Variants in DMD observed in about 807,000 individuals in gnomAD.
The protein encoded by DMD is mutant dystrophin.
Under a neutral mutation model 330.1 loss-of-function variants are expected in DMD, and 63 were observed. The ratio of observed to expected loss-of-function variants is 0.19; its 90% confidence interval spans 0.16 to 0.24. DMD has a LOEUF of 0.24. Among genes scored for constraint, DMD ranks in the 10% least tolerant of loss-of-function variants. DMD has a pLI of 1.00. For synonymous variants in DMD, 1,223 were observed against 959.8 expected, an observed-to-expected ratio of 1.27 and a Z score of -5.07; for missense variants, 3,344 against 2,684.1, an observed-to-expected ratio of 1.25 and a Z score of -5.43.
rs368164231 is a variant in DMD, at chrX:31,679,525, C to G, written c.7722G>C (p.Gln2574His). Reference protein sequence around the residue: ...VQEHLQNRRQQLNEMLKDSTQ... With the variant: ...VQEHLQNRRQHLNEMLKDSTQ... Reference sequence around the variant, plus strand: ...TTGAATCCTTTAACATTTCATTCAACTGTTGCCTCCGGTTCTGAAGGTGTT... The same window carrying G: ...TTGAATCCTTTAACATTTCATTCAAGTGTTGCCTCCGGTTCTGAAGGTGTT... The change falls in exon 53 of 79, where the codon CAG (glutamine) becomes CAC (histidine). Residue 2574 changes from glutamine to histidine, a missense_variant. Physicochemically the swap from Gln to His is conservative, Grantham distance 24 (BLOSUM62 0). Transcript: ENST00000357033. 178 of 1,210,198 alleles carry G rather than the reference C, an allele frequency of 1.5e-4. No homozygotes were observed. The highest frequency in any genetic ancestry group is 1.9e-4 in the Non-Finnish European group (174 of 895,208).
At chrX:32,716,682 A>G (rs1428394504) in intron 7 of DMD, among the ~76,000 whole-genome samples, 1 of 111,096 alleles carries the variant, frequency 9.0e-6, no homozygotes, top group Non-Finnish European at 1.9e-5. Context: ...AAGATGAGGG[A>G]AAGTTTGTAA....
At position 32,631,540 on chromosome X, in the gene DMD, A is replaced by C. The variant is rs1052569789; in HGVS notation, c.1331+12592T>G. ...CTGATACTGGGTAATTTATGAAGAAAAGAGGCTTAAATGGCTCATGGTTCT... is the reference window on the plus strand; with the variant it reads ...CTGATACTGGGTAATTTATGAAGAACAGAGGCTTAAATGGCTCATGGTTCT... On this transcript the variant is annotated intron_variant, in intron 11 of 78. Coordinates refer to ENST00000357033, the MANE Select transcript of DMD (RefSeq NM_004006.3). Among the ~76,000 whole-genome samples the C allele has an allele frequency of 1.8e-5, 2 of 111,921 alleles. 1 individual carries two copies. The highest frequency in any genetic ancestry group is 3.8e-5 in the Non-Finnish European group (2 of 53,200).
At chrX:32,201,734 C>T (rs5972505) in intron 44 of DMD, among the ~76,000 whole-genome samples, 5,606 of 110,731 alleles carry the variant, frequency 0.051, 350 homozygotes, top group African/African-American at 0.17. Context: ...TGTCCACTTA[C>T]TCCCTGGCAT....
Position 31,773,995 on chromosome X carries a change from G to A in DMD, c.7507C>T (p.Leu2503Phe), listed in dbSNP as rs1156593224. ...IKSQRVMVGD[L>F]EDINEMIIKQ... ...ATGATCATCTCGTTGATATCCTCAA[G>A]GTCACCCACCATCACCCTCTGTGAT... Residue 2503 changes from leucine to phenylalanine, a missense_variant, in exon 51 of 79, where the codon CTT (leucine) becomes TTT (phenylalanine). Leu to Phe is a conservative substitution (Grantham distance 22, BLOSUM62 0). Transcript: ENST00000357033. The A allele has an allele frequency of 5.8e-6, 7 of 1,209,524 alleles. No homozygotes were observed. Among genetic ancestry groups the A allele is most frequent in the Non-Finnish European group, 7.8e-6 (7 of 894,755 alleles).
rs763420150 is a variant in DMD, at chrX:33,009,029, CAT to C, written c.93+11108_93+11109del. Among the ~76,000 whole-genome samples, 468 of 94,809 alleles carry C rather than the reference CAT, an allele frequency of 4.9e-3. 6 individuals carry two copies. Among genetic ancestry groups the C allele is most frequent in the African/African-American group, 0.017 (433 of 25,950 alleles). 82.3% of individuals were successfully genotyped at this position (94,809 alleles called of 115,157 possible). On this transcript the variant is annotated intron_variant, in intron 2 of 78. Transcript: ENST00000357033. ...ACACACATACACACGTATATATACA[CAT>C]GTGTGTATATATGTATATGTGTCTA...
At chrX:32,206,416 C>T (rs1603628283) in intron 44 of DMD, 8 of 509,039 alleles carry the variant, frequency 1.6e-5, no homozygotes, top group Middle Eastern at 5.6e-4. Context: ...GATGAGGAAA[C>T]TGAAGAAAAA....
chrX:32,459,875 C>G (rs2098377037), intron 25 of DMD, among the ~76,000 whole-genome samples: 1 of 111,197 alleles, frequency 9.0e-6, no homozygotes, highest in Non-Finnish European at 1.9e-5. Context: ...AATGAGGATA[C>G]TAATCCTCTG....
intron 50 of DMD, among the ~76,000 whole-genome samples, chrX:31,778,695 T>C (rs1179119997): frequency 1.9e-5 from 2 of 106,426 alleles, no homozygotes; most frequent in East Asian, 6.1e-4. Flanking sequence ...CTCAGCCTCC[T>C]GAGTATCTGG....
At chrX:32,219,870 A>T (rs1231734022) in intron 43 of DMD, among the ~76,000 whole-genome samples, 1 of 111,996 alleles carries the variant, frequency 8.9e-6, no homozygotes, top group Non-Finnish European at 1.9e-5. Flanking sequence ...TCAATCACTC[A>T]TCATATTGGT....
At chrX:32,851,857 G>A (rs2081165870) in intron 2 of DMD, among the ~76,000 whole-genome samples, 1 of 112,066 alleles carries the variant, frequency 8.9e-6, no homozygotes, top group Non-Finnish European at 1.9e-5. Flanking sequence ...GGCACATTTA[G>A]ACCAGCCCTA....
chrX:32,395,438 G>GA lies in DMD; in HGVS notation c.4234-5258_4234-5257insT, dbSNP rs112815721. Reference sequence around the variant, plus strand: ...GGCCTGTCGTGGGGTGGGGGGAGGGGGGAGGGATAGCATTAGGAGATATAC... The same window carrying GA: ...GGCCTGTCGTGGGGTGGGGGGAGGGGAGGAGGGATAGCATTAGGAGATATAC... On this transcript the variant is annotated intron_variant, in intron 30 of 78. Coordinates refer to ENST00000357033, the MANE Select transcript of DMD (RefSeq NM_004006.3). 2.9e-5 allele frequency among the ~76,000 whole-genome samples: 3 copies of GA among 104,034 alleles called. No individual in the cohort carries two copies. In the South Asian group the frequency reaches 1.4e-3, roughly 49 times the overall value. The allele number at this position is 104,034 out of a possible 115,157, so 90.3% of individuals were successfully genotyped here.
At position 33,009,664 on chromosome X, in the gene DMD, A is replaced by ACGTATATGTGTATATACACATATG. The variant is rs2093590099; in HGVS notation, c.93+10474_93+10475insCATATGTGTATATACACATATACG. On this transcript the variant is annotated intron_variant, in intron 2 of 78. Coordinates refer to ENST00000357033, the MANE Select transcript of DMD (RefSeq NM_004006.3). ...TACACATATGTGTGTATACGTGTAT[A>ACGTATATGTGTATATACACATATG]TGTGTATACGTATATGTGTATATGC... is the stretch of plus-strand genomic sequence containing the variant. Among the ~76,000 whole-genome samples the ACGTATATGTGTATATACACATATG allele has an allele frequency of 7.9e-5, 2 of 25,398 alleles. 1 individual carries two copies. Among genetic ancestry groups the ACGTATATGTGTATATACACATATG allele is most frequent in the African/African-American group, 6.2e-4 (2 of 3,216 alleles). The allele number at this position is 25,398 out of a possible 115,157, so 22.1% of individuals were successfully genotyped here.
intron 29 of DMD, chrX:32,412,375 G>T: frequency 5.3e-6 from 1 of 189,664 alleles, no homozygotes; most frequent in Non-Finnish European, 8.1e-6. Flanking sequence ...TCAGCTCCTT[G>T]TCAAAAACAG....
chrX:31,787,851 G>A (rs1297147271), intron 50 of DMD, among the ~76,000 whole-genome samples: 8 of 111,669 alleles, frequency 7.2e-5, no homozygotes, highest in East Asian at 2.8e-4. Context: ...CCAGAAGTGC[G>A]ACAACTACCA....
chrX:32,328,349 C>T (rs1379007116), intron 41 of DMD, among the ~76,000 whole-genome samples: 4 of 111,391 alleles, frequency 3.6e-5, no homozygotes, highest in Non-Finnish European at 7.5e-5. Context: ...ATTTTGGTAC[C>T]TTTATTATTT....
chrX:32,876,083 C>T (rs1034255564), intron 2 of DMD, among the ~76,000 whole-genome samples: 2 of 111,596 alleles, frequency 1.8e-5, no homozygotes, highest in African/African-American at 6.5e-5. Context: ...TATTGGATAT[C>T]CCATCAATAC....
At chrX:32,310,010 C>A (rs1055195468) in intron 42 of DMD, 72 bp downstream of exon 42, 2 of 968,407 alleles carry the variant, frequency 2.1e-6, no homozygotes, top group Admixed American at 4.6e-5. Context: ...CAATTTAAGT[C>A]AATTGTTCTG....
chrX:31,167,220 C>G (rs1035144625), intron 74 of DMD, among the ~76,000 whole-genome samples: 3 of 111,718 alleles, frequency 2.7e-5, no homozygotes, highest in African/African-American at 9.8e-5. Context: ...CTACCACTGG[C>G]TGACTGGGAA....
chrX:32,642,132 T>C (rs2059506695), intron 11 of DMD, among the ~76,000 whole-genome samples: 1 of 111,844 alleles, frequency 8.9e-6, no homozygotes, highest in Non-Finnish European at 1.9e-5. Context: ...ATTTAATAGG[T>C]TTTATGCACG....
Sources: gnomAD v4.1 joint callset for allele counts (sites outside exome capture counted in the v4.1 genomes callset) on GRCh38, gnomAD v4.1.1 for gene constraint, MANE v1.5 for transcripts, NCBI Gene and HGNC (gene_info 2026-07-23, HGNC 2026-07-21) for gene names.